Variants in SMAD9 observed in about 807,000 individuals in gnomAD.
The protein encoded by SMAD9 is MAD homolog 9.
Under a neutral mutation model 46.1 loss-of-function variants are expected in SMAD9, and 36 were observed. The ratio of observed to expected loss-of-function variants is 0.78; its 90% CI spans 0.60 to 1.03. SMAD9 has a LOEUF of 1.03. Ranked by LOEUF, SMAD9 falls within the 50% of genes least tolerant of loss-of-function variation. SMAD9 has a pLI of 0.00. For missense variants in SMAD9, 572 were observed against 599.8 expected (o/e 0.95, Z 0.48); for synonymous variants, 245 against 237.1 (o/e 1.03, Z -0.31).
At chr13:36,870,933 G>A (rs55959050) in intron 3 of SMAD9, among the ~76,000 whole-genome samples, 2,615 of 152,210 alleles carry the variant, frequency 0.017, 56 homozygotes, top group African/African-American at 0.06. Context: ...ACGTGGATGC[G>A]CTGGGCAATG....
intron 1 of SMAD9, among the ~76,000 whole-genome samples, chr13:36,898,153 C>T (rs547202682): frequency 4.6e-5 from 7 of 152,006 alleles, no homozygotes; most frequent in African/African-American, 1.2e-4. Context: ...CCACTGCACC[C>T]GGCCGAAATG....
chr13:36,854,378 T>A (rs993144445), intron 5 of SMAD9, among the ~76,000 whole-genome samples: 8 of 152,118 alleles, frequency 5.3e-5, no homozygotes, highest in African/African-American at 1.9e-4. Context: ...TTTTATTTTT[T>A]TTTTTTTGAG....
At chr13:36,906,554 A>G (rs1331578146) in intron 1 of SMAD9, among the ~76,000 whole-genome samples, 1 of 151,018 alleles carries the variant, frequency 6.6e-6, no homozygotes, top group Non-Finnish European at 1.5e-5. Context: ...CAACAACAAC[A>G]AAAAACAAAC....
chr13:36,880,718 A>G (rs2138505557), intron 1 of SMAD9, among the ~76,000 whole-genome samples: 1 of 152,348 alleles, frequency 6.6e-6, no homozygotes, highest in African/African-American at 2.4e-5. Flanking sequence ...AATAGAGTAT[A>G]TGGAGAAAAG....
At chr13:36,859,830 C>T (rs1361090968) in intron 5 of SMAD9, among the ~76,000 whole-genome samples, 1 of 151,950 alleles carries the variant, frequency 6.6e-6, no homozygotes, top group East Asian at 1.9e-4. Flanking sequence ...CATGGTGGCA[C>T]ATGCCTGTAA....
At position 36,916,976 on chromosome 13, in the gene SMAD9, T is replaced by C. The variant is rs912440275; in HGVS notation, c.-187+3140A>G. On this transcript the variant is annotated intron_variant, in intron 1 of 6. Coordinates refer to ENST00000379826, the MANE Select transcript of SMAD9 (RefSeq NM_001127217.3). ...TTGCTATTTTAACTGCAGCATAAAATAGGGAAAGACCGGGAAGATAAGCCT... is the reference window on the plus strand; with the variant it reads ...TTGCTATTTTAACTGCAGCATAAAACAGGGAAAGACCGGGAAGATAAGCCT... Among the ~76,000 whole-genome samples the C allele has an allele frequency of 6.4e-4, 97 of 151,952 alleles. 1 individual carries two copies. The highest frequency in any genetic ancestry group is 2.2e-3 in the African/African-American group (93 of 41,420).
At chr13:36,891,386 G>C (rs1174813928) in intron 1 of SMAD9, among the ~76,000 whole-genome samples, 1 of 152,172 alleles carries the variant, frequency 6.6e-6, no homozygotes, top group Non-Finnish European at 1.5e-5. Flanking sequence ...AGAACTCTAA[G>C]TCATGATGCC....
rs628390 is a variant in SMAD9 at position 36,913,576 on chromosome 13, A to C, written c.-187+6540T>G. On this transcript the variant is annotated intron_variant, in intron 1 of 6. Transcript: ENST00000379826. The stretch of plus-strand genomic sequence containing the variant: ...TTGTAATAAAATTAGATGCAATGAC[A>C]ACAGAAAGCAAGTAAAACTGCCACT... Among the ~76,000 whole-genome samples, 1,497 of 152,338 alleles carry C rather than the reference A, an allele frequency of 9.8e-3. 24 individuals are homozygous for C. The highest frequency in any genetic ancestry group is 0.034 in the African/African-American group (1,413 of 41,566).
rs978472665 is a variant in SMAD9 at position 36,853,537 on chromosome 13, C to G, written c.1142G>C (p.Ser381Thr). The change falls in exon 6 of 7, where the codon AGC (serine) becomes ACC (threonine). Residue 381 changes from serine to threonine, a missense_variant. Transcript: ENST00000379826. ...ATVCKIPSGC[S>T]LKVFNNQLFA... The stretch of plus-strand genomic sequence containing the variant: ...GAGCTGGTTGTTGAAGACCTTGAGG[C>G]TGCAGCCGCTGGGGATCTTGCAGAC... 10 of 1,614,150 alleles carry G rather than the reference C, an allele frequency of 6.2e-6. No individual in the cohort carries two copies. The highest frequency in any genetic ancestry group is 8.5e-6 in the Non-Finnish European group (10 of 1,180,026).
rs898378259 is a variant in SMAD9, at chr13:36,852,242, G to A, written c.1260+1177C>T. ...TGAGTATAGAAAAATTATTTGTCAT[G>A]GTAATTTTAAAGTGCTAATAAAATT... On this transcript the variant is annotated intron_variant, in intron 6 of 6. Coordinates refer to ENST00000379826, the MANE Select transcript of SMAD9 (RefSeq NM_001127217.3). 10 of 911,764 alleles carry A rather than the reference G, an allele frequency of 1.1e-5. No homozygotes were observed. The East Asian group carries it at 1.1e-3, about 98-fold the overall frequency. 56.5% of individuals were successfully genotyped at this position (911,764 alleles called of 1,614,324 possible).
intron 5 of SMAD9, 21 bp downstream of exon 5, chr13:36,865,516 G>T: frequency 6.3e-7 from 1 of 1,589,740 alleles, no homozygotes; most frequent in South Asian, 1.1e-5. Context: ...ATGACTAAAG[G>T]AATAACATCT....
At chr13:36,912,004 A>G (rs201683022) in intron 1 of SMAD9, among the ~76,000 whole-genome samples, 1 of 152,114 alleles carries the variant, frequency 6.6e-6, no homozygotes, top group Non-Finnish European at 1.5e-5. Context: ...CACCGCACCC[A>G]GTCGGGGAAG....
chr13:36,875,599 T>C (rs2058338938), intron 2 of SMAD9, among the ~76,000 whole-genome samples: 1 of 152,210 alleles, frequency 6.6e-6, no homozygotes, highest in Non-Finnish European at 1.5e-5. Flanking sequence ...GCCTCATGAA[T>C]AGTCTGAAGT....
rs2058245388 is a variant in SMAD9, at chr13:36,867,362, T to TA, written c.691dup (p.Tyr231LeufsTer8). 6.4e-7 allele frequency: 1 copy of TA among 1,550,602 alleles called. No individual in the cohort carries two copies. The highest frequency in any genetic ancestry group is 1.4e-5 in the African/African-American group (1 of 73,028). ...GGTCTCAGAGGCTTCTGTGGCATGA[T>TA]AAGGCAGGGGTGGTGTGTCAACTAA... On this transcript the variant is annotated frameshift_variant, in exon 4 of 7. Coordinates refer to ENST00000379826, the MANE Select transcript of SMAD9 (RefSeq NM_001127217.3). LOFTEE classifies it high-confidence loss of function.
At chr13:36,868,005 G>T (rs1305710180) in intron 3 of SMAD9, among the ~76,000 whole-genome samples, 1 of 152,176 alleles carries the variant, frequency 6.6e-6, no homozygotes, top group African/African-American at 2.4e-5. Flanking sequence ...ACTCTTTATG[G>T]AGGACCTCAG....
chr13:36,903,097 C>T (rs1225506363), intron 1 of SMAD9, among the ~76,000 whole-genome samples: 14 of 148,518 alleles, frequency 9.4e-5, no homozygotes, highest in Admixed American at 1.4e-4. Context: ...GCTCTAGTGC[C>T]GAGGGGCTCT....
chr13:36,875,196 T>C (rs1437733890), intron 2 of SMAD9, among the ~76,000 whole-genome samples: 1 of 152,040 alleles, frequency 6.6e-6, no homozygotes, highest in African/African-American at 2.4e-5. Context: ...GTTCTAAAAC[T>C]GCTCTAAAAA....
intron 2 of SMAD9, among the ~76,000 whole-genome samples, chr13:36,874,168 G>C (rs1403685316): frequency 6.6e-6 from 1 of 152,156 alleles, no homozygotes; most frequent in African/African-American, 2.4e-5. Context: ...AGTGGTCTAA[G>C]AAATAACAAA....
intron 1 of SMAD9, among the ~76,000 whole-genome samples, chr13:36,907,206 A>T (rs2058626673): frequency 6.6e-6 from 1 of 152,192 alleles, no homozygotes; most frequent in Non-Finnish European, 1.5e-5. Flanking sequence ...ATAGAGAAGA[A>T]AGTAGAATGA....
Sources: allele counts gnomAD v4.1 joint callset (sites outside exome capture counted in the v4.1 genomes callset), GRCh38; gene constraint gnomAD v4.1.1; transcripts MANE v1.5; gene names NCBI Gene and HGNC (gene_info 2026-07-23, HGNC 2026-07-21).